The following RIMBP2 variants were observed in gnomAD, a reference collection of about 807,000 sequenced individuals.
The protein encoded by RIMBP2 is RIMS-binding protein 2.
In RIMBP2, 48 loss-of-function variants were observed where a neutral mutation model predicts 118.6. That is an observed-to-expected ratio of 0.40 (90% CI 0.32 to 0.51). The LOEUF (loss-of-function observed/expected upper bound fraction) is 0.51. Ranked by LOEUF, RIMBP2 falls within the 20% of genes least tolerant of loss-of-function variation. RIMBP2 has a pLI of 0.41. For synonymous variants in RIMBP2, 762 were observed against 742.9 expected (o/e 1.03, Z -0.42); for missense variants, 1,551 against 1,768.3 (o/e 0.88, Z 2.20).
intron 1 of RIMBP2, among the ~76,000 whole-genome samples, chr12:130,640,927 T>C (rs1158841114): frequency 6.6e-6 from 1 of 152,184 alleles, no homozygotes; most frequent in Non-Finnish European, 1.5e-5. Flanking sequence ...ATTAAATTGA[T>C]AACTTTAATA....
intron 1 of RIMBP2, among the ~76,000 whole-genome samples, chr12:130,702,624 G>T (rs761638596): frequency 4.2e-4 from 64 of 152,072 alleles, no homozygotes; most frequent in Non-Finnish European, 8.7e-4. Context: ...CCACATGTAA[G>T]ATGAAGGAGA....
chr12:130,518,691 T>A (rs1468472289), intron 2 of RIMBP2, among the ~76,000 whole-genome samples: 1 of 152,152 alleles, frequency 6.6e-6, no homozygotes, highest in African/African-American at 2.4e-5. Context: ...GAGCTGCCAA[T>A]AATAAAATCT....
intron 1 of RIMBP2, among the ~76,000 whole-genome samples, chr12:130,694,664 G>A (rs1232272711): frequency 6.6e-6 from 1 of 152,156 alleles, no homozygotes; most frequent in African/African-American, 2.4e-5. Flanking sequence ...TGCTTCCCTG[G>A]ACTGGCTTAG....
At chr12:130,555,604 C>G (rs560059597) in intron 2 of RIMBP2, among the ~76,000 whole-genome samples, 1 of 151,878 alleles carries the variant, frequency 6.6e-6, no homozygotes, top group Non-Finnish European at 1.5e-5. Flanking sequence ...TCCCAGAAAA[C>G]CATCTGAATG....
At chr12:130,627,185 C>T (rs560924471) in intron 2 of RIMBP2, among the ~76,000 whole-genome samples, 9 of 152,322 alleles carry the variant, frequency 5.9e-5, no homozygotes, top group South Asian at 4.1e-4. Flanking sequence ...ACCACCACCA[C>T]GCTTACTGGA....
At chr12:130,706,373 G>A (rs1353644926) in intron 1 of RIMBP2, among the ~76,000 whole-genome samples, 1 of 152,260 alleles carries the variant, frequency 6.6e-6, no homozygotes, top group Non-Finnish European at 1.5e-5. Context: ...CGAAAGCGCA[G>A]AGAGGTTCAG....
intron 2 of RIMBP2, among the ~76,000 whole-genome samples, chr12:130,582,867 T>C (rs920265767): frequency 2.0e-5 from 3 of 152,192 alleles, no homozygotes; most frequent in African/African-American, 7.2e-5. Flanking sequence ...AACACTATCA[T>C]GCCACAAAGC....
At chr12:130,546,129 TCA>T (rs902581402) in intron 2 of RIMBP2, among the ~76,000 whole-genome samples, 1 of 137,556 alleles carries the variant, frequency 7.3e-6, no homozygotes, top group African/African-American at 2.7e-5. Flanking sequence ...GGATGGAGTC[TCA>T]CTCACTCTGT....
At chr12:130,564,540 G>A (rs910587628) in intron 2 of RIMBP2, among the ~76,000 whole-genome samples, 5 of 152,140 alleles carry the variant, frequency 3.3e-5, no homozygotes, top group African/African-American at 1.2e-4. Flanking sequence ...AGGAAATAGG[G>A]TATATACATA....
Position 130,523,795 on chromosome 12 carries a change from G to A in RIMBP2, c.-216-5878C>T, listed in dbSNP as rs1303022420. On this transcript the variant is annotated intron_variant, in intron 2 of 22. Coordinates refer to ENST00000690449, the MANE Select transcript of RIMBP2 (RefSeq NM_001393629.1). The surrounding 1 kb of genome is among the most constrained non-coding windows in gnomAD (Gnocchi z 4.4). ...TTGTGGGTGCAGCAGACAGCGCAGGGCATTCTGGGTTGAGATGTCAGGAAC... is the reference window on the plus strand; with the variant it reads ...TTGTGGGTGCAGCAGACAGCGCAGGACATTCTGGGTTGAGATGTCAGGAAC... 6.6e-6 allele frequency among the ~76,000 whole-genome samples: 1 copy of A among 152,318 alleles called. No homozygotes were observed. Among genetic ancestry groups the A allele is most frequent in the East Asian group, 1.9e-4 (1 of 5,178 alleles).
intron 1 of RIMBP2, among the ~76,000 whole-genome samples, chr12:130,705,129 T>A (rs2450544): frequency 0.56 from 85,570 of 151,948 alleles, 27,539 homozygotes; most frequent in Non-Finnish European, 0.74. Context: ...GTGGCCACAT[T>A]GCTCTGGTTC....
At chr12:130,600,642 A>G (rs902570656) in intron 2 of RIMBP2, among the ~76,000 whole-genome samples, 5 of 152,164 alleles carry the variant, frequency 3.3e-5, no homozygotes, top group East Asian at 1.9e-4. Context: ...GTCAGCCCCA[A>G]TAGAACCTCC....
At chr12:130,664,658 AG>A (rs2063842573) in intron 1 of RIMBP2, among the ~76,000 whole-genome samples, 1 of 151,690 alleles carries the variant, frequency 6.6e-6, no homozygotes, top group Non-Finnish European at 1.5e-5. Context: ...GAGAAAGTAT[AG>A]GTTGATCCTA....
At chr12:130,596,648 G>A (rs552770596) in intron 2 of RIMBP2, among the ~76,000 whole-genome samples, 6 of 152,284 alleles carry the variant, frequency 3.9e-5, no homozygotes, top group African/African-American at 7.2e-5. Context: ...TGTGTAATGC[G>A]GTGCATGGGA....
intron 2 of RIMBP2, among the ~76,000 whole-genome samples, chr12:130,597,207 C>A (rs2059612809): frequency 6.6e-6 from 1 of 152,196 alleles, no homozygotes; most frequent in Non-Finnish European, 1.5e-5. Context: ...TTAAATCCAA[C>A]AATATATTCA....
chr12:130,595,518 C>G (rs1186893183), intron 2 of RIMBP2, among the ~76,000 whole-genome samples: 1 of 151,990 alleles, frequency 6.6e-6, no homozygotes, highest in Non-Finnish European at 1.5e-5. Context: ...CCACAGCACT[C>G]CAGCCTGGGC....
chr12:130,662,483 C>T (rs2063704727), intron 1 of RIMBP2, among the ~76,000 whole-genome samples: 2 of 152,026 alleles, frequency 1.3e-5, no homozygotes, highest in South Asian at 4.1e-4. Flanking sequence ...TGGTGAAACC[C>T]CATCTCTACT....
chr12:130,453,885 C>A (rs1450129501), intron 7 of RIMBP2, among the ~76,000 whole-genome samples: 5 of 152,114 alleles, frequency 3.3e-5, no homozygotes, highest in African/African-American at 4.8e-5. Flanking sequence ...GAAACCCCAT[C>A]TCTACTAAAA....
At chr12:130,696,391 T>C (rs1226165909) in intron 1 of RIMBP2, among the ~76,000 whole-genome samples, 1 of 152,240 alleles carries the variant, frequency 6.6e-6, no homozygotes, top group East Asian at 1.9e-4. Flanking sequence ...TCTGCATCCC[T>C]CAAGTTTGAT....
Sources: allele counts gnomAD v4.1 joint callset (sites outside exome capture counted in the v4.1 genomes callset), GRCh38; gene constraint gnomAD v4.1.1; non-coding constraint Gnocchi (gnomAD v3.1); transcripts MANE v1.5; gene names NCBI Gene and HGNC (gene_info 2026-07-23, HGNC 2026-07-21).